Variants in ZNF423 observed in about 807,000 individuals in gnomAD.
ZNF423 encodes the protein Ebf-associated zinc finger protein.
Under a neutral mutation model 95.8 loss-of-function variants are expected in ZNF423, and 12 were observed. The observed-to-expected ratio is 0.13, with a 90% CI of 0.08 to 0.20. ZNF423 has a LOEUF of 0.20. ZNF423 is among the 10% of genes least tolerant of loss of function. The pLI is 1.00. For missense variants in ZNF423, 1,316 were observed against 1,737.1 expected (o/e 0.76, Z 4.31); for synonymous variants, 749 against 711.9 (o/e 1.05, Z -0.83).
intron 5 of ZNF423, among the ~76,000 whole-genome samples, chr16:49,586,648 C>A (rs879471424): frequency 1.3e-5 from 2 of 152,242 alleles, no homozygotes; most frequent in Non-Finnish European, 2.9e-5. Context: ...GCGAATGTGG[C>A]GTGTGGATCA....
At chr16:49,605,614 G>A (rs1266705364) in intron 5 of ZNF423, among the ~76,000 whole-genome samples, 3 of 152,058 alleles carry the variant, frequency 2.0e-5, no homozygotes, top group African/African-American at 4.8e-5. Flanking sequence ...ACACTCCCTC[G>A]GGAGAATTAA....
chr16:49,674,240 C>A (rs1200699873), intron 3 of ZNF423, among the ~76,000 whole-genome samples: 2 of 152,088 alleles, frequency 1.3e-5, no homozygotes, highest in Non-Finnish European at 2.9e-5. Flanking sequence ...GAGTGTGAAA[C>A]GCAAACAAAA....
chr16:49,591,456 C>G (rs1321682331), intron 5 of ZNF423, among the ~76,000 whole-genome samples: 2 of 152,048 alleles, frequency 1.3e-5, no homozygotes, highest in African/African-American at 4.8e-5. Context: ...ATTTATAACT[C>G]CACTGGAAAC....
At chr16:49,824,466 G>A (rs1422256444) in intron 1 of ZNF423, among the ~76,000 whole-genome samples, 2 of 152,158 alleles carry the variant, frequency 1.3e-5, no homozygotes, top group Non-Finnish European at 2.9e-5. Flanking sequence ...CAAGTTGGGG[G>A]TGGGGGAGGT....
chr16:49,712,527 C>T (rs1455500289), intron 3 of ZNF423, among the ~76,000 whole-genome samples: 5 of 152,240 alleles, frequency 3.3e-5, no homozygotes, highest in Admixed American at 3.3e-4. Flanking sequence ...CCTCACTGCC[C>T]TCTGCAAAAG....
intron 3 of ZNF423, among the ~76,000 whole-genome samples, chr16:49,691,419 G>T (rs549549843): frequency 6.6e-6 from 1 of 152,136 alleles, no homozygotes; most frequent in Non-Finnish European, 1.5e-5. Flanking sequence ...TCTGAGCCTC[G>T]GTTTCCTCAT....
intron 2 of ZNF423, among the ~76,000 whole-genome samples, chr16:49,781,244 C>G (rs866938186): frequency 2.0e-5 from 3 of 152,196 alleles, no homozygotes; most frequent in Non-Finnish European, 4.4e-5. Context: ...ACCACCCACA[C>G]GAAGATGTTC....
intron 3 of ZNF423, among the ~76,000 whole-genome samples, chr16:49,700,203 A>G (rs1168413474): frequency 7.7e-6 from 1 of 129,440 alleles, no homozygotes; most frequent in East Asian, 2.3e-4. Flanking sequence ...TTCAAAAAAA[A>G]AAAAAAAAAA....
chr16:49,715,068 A>G (rs946921736), intron 3 of ZNF423, among the ~76,000 whole-genome samples: 3 of 152,298 alleles, frequency 2.0e-5, no homozygotes, highest in African/African-American at 4.8e-5. Context: ...CCAACAAATC[A>G]CTGAGTAAGT....
intron 3 of ZNF423, among the ~76,000 whole-genome samples, chr16:49,660,384 A>AAATG (rs2030145532): frequency 7.2e-6 from 1 of 138,018 alleles, no homozygotes; most frequent in Non-Finnish European, 1.6e-5. Flanking sequence ...GAAAATGAGA[A>AAATG]AACGAATGAA....
At chr16:49,517,547 T>C (rs1968199458) in intron 7 of ZNF423, among the ~76,000 whole-genome samples, 1 of 152,188 alleles carries the variant, frequency 6.6e-6, no homozygotes, top group African/African-American at 2.4e-5. Context: ...CAGGTGTATA[T>C]GTGGGTGAGG....
At chr16:49,752,930 T>C (rs2033658683) in intron 2 of ZNF423, among the ~76,000 whole-genome samples, 1 of 152,136 alleles carries the variant, frequency 6.6e-6, no homozygotes. Context: ...CAAAATCCAC[T>C]AGGCAGCAAG....
chr16:49,677,531 C>T, intron 3 of ZNF423, among the ~76,000 whole-genome samples: 1 of 151,808 alleles, frequency 6.6e-6, no homozygotes, highest in Non-Finnish European at 1.5e-5. Flanking sequence ...TAGCACATGC[C>T]TATAATCTCA....
chr16:49,716,630 A>G (rs1341772308), intron 3 of ZNF423, among the ~76,000 whole-genome samples: 1 of 152,160 alleles, frequency 6.6e-6, no homozygotes, highest in African/African-American at 2.4e-5. Context: ...AACCAATAGT[A>G]GCGCTTTATT....
At chr16:49,652,851 G>A (rs1567534066) in intron 3 of ZNF423, among the ~76,000 whole-genome samples, 1 of 152,132 alleles carries the variant, frequency 6.6e-6, no homozygotes, top group Non-Finnish European at 1.5e-5. Flanking sequence ...GTTAGCATCT[G>A]CCTCTCCTTT....
chr16:49,491,168 A>T lies in ZNF423; in HGVS notation c.*107T>A. ...CTCATGGCCAAATCATTAGAGTTTT[A>T]CATCTGGGTTGCAAATGACACTTTG... On this transcript the variant is annotated 3_prime_UTR_variant, in exon 8 of 8. Transcript: ENST00000563137. 7.4e-7 allele frequency: 1 copy of T among 1,347,290 alleles called. No homozygotes were observed. Among genetic ancestry groups the T allele is most frequent in the Non-Finnish European group, 1.1e-6 (1 of 939,442 alleles). 83.5% of individuals were successfully genotyped at this position (1,347,290 alleles called of 1,614,324 possible). A position where few individuals can be genotyped will look rare whatever the true frequency, so the allele number is the denominator to read the frequency against.
rs756849269 is a variant in ZNF423, at chr16:49,715,562, A to T, written c.301+15209T>A. Among the ~76,000 whole-genome samples, 8 of 151,854 alleles carry T rather than the reference A, an allele frequency of 5.3e-5. 1 individual carries two copies. The South Asian group carries it at 1.0e-3, about 20-fold the overall frequency. On this transcript the variant is annotated intron_variant, in intron 3 of 7. Transcript: ENST00000563137. ...CTGAGACTAGCCTGGGTAACTTACCAAGACCACATTTTTTCAAAATTAATA... is the reference window on the plus strand; with the variant it reads ...CTGAGACTAGCCTGGGTAACTTACCTAGACCACATTTTTTCAAAATTAATA...
intron 5 of ZNF423, among the ~76,000 whole-genome samples, chr16:49,552,678 C>T (rs1056608539): frequency 2.0e-5 from 3 of 152,142 alleles, no homozygotes; most frequent in Non-Finnish European, 4.4e-5. Flanking sequence ...GACACACTTT[C>T]GGTTTCCAGC....
intron 5 of ZNF423, among the ~76,000 whole-genome samples, chr16:49,620,536 T>A (rs767249638): frequency 5.3e-5 from 8 of 152,044 alleles, no homozygotes; most frequent in Non-Finnish European, 8.8e-5. Flanking sequence ...GGGACAGGCC[T>A]GGCTCTGGCC....
Sources: allele counts gnomAD v4.1 joint callset (sites outside exome capture counted in the v4.1 genomes callset), GRCh38; gene constraint gnomAD v4.1.1; transcripts MANE v1.5; gene names NCBI Gene and HGNC (gene_info 2026-07-23, HGNC 2026-07-21).